The following PTPRD variants were observed in gnomAD, a reference collection of about 807,000 sequenced individuals.
PTPRD encodes protein tyrosine phosphatase receptor type D, also known as receptor-type tyrosine-protein phosphatase delta.
A neutral mutation model predicts 214.5 loss-of-function variants in PTPRD; 34 were observed. The observed-to-expected ratio is 0.16, with a 90% CI of 0.12 to 0.21. The LOEUF (loss-of-function observed/expected upper bound fraction) is 0.21, where lower values mean the gene tolerates loss of function less well. PTPRD is among the 10% of genes least tolerant of loss of function. PTPRD has a pLI of 1.00. For missense variants in PTPRD, 2,545 were observed against 2,398.7 expected (o/e 1.06, Z -1.27); for synonymous variants, 1,128 against 845.7 (o/e 1.33, Z -5.79).
intron 8 of PTPRD, among the ~76,000 whole-genome samples, chr9:9,417,623 A>G (rs2077381536): frequency 6.6e-6 from 1 of 150,758 alleles, no homozygotes; most frequent in African/African-American, 2.5e-5. Context: ...TTAAAAAATT[A>G]TAGTCACAAC....
chr9:9,895,418 A>T (rs1322203631), intron 5 of PTPRD, among the ~76,000 whole-genome samples: 1 of 152,090 alleles, frequency 6.6e-6, no homozygotes, highest in Non-Finnish European at 1.5e-5. Flanking sequence ...ATAGTTCAAT[A>T]GAATGTTTGA....
intron 8 of PTPRD, among the ~76,000 whole-genome samples, chr9:9,534,606 G>C (rs1020106562): frequency 1.3e-5 from 2 of 151,936 alleles, no homozygotes; most frequent in African/African-American, 4.8e-5. Flanking sequence ...AAGACACCAC[G>C]TTTTATTTAC....
At chr9:9,611,998 G>T (rs932201738) in intron 7 of PTPRD, among the ~76,000 whole-genome samples, 1 of 151,652 alleles carries the variant, frequency 6.6e-6, no homozygotes, top group Non-Finnish European at 1.5e-5. Context: ...TGTAAAATTA[G>T]AAAAAATAAT....
chr9:10,112,327 G>A (rs760335752), intron 3 of PTPRD, among the ~76,000 whole-genome samples: 1 of 152,118 alleles, frequency 6.6e-6, no homozygotes, highest in Admixed American at 6.5e-5. Context: ...GTTAATAGGA[G>A]GCTCATTAGT....
rs1278850326 is a variant in PTPRD at position 8,501,013 on chromosome 9, G to A, written c.1869C>T (p.Ser623=). Residue 623 remains serine, a synonymous_variant, in exon 24 of 46, where the codon TCC becomes TCT. Transcript: ENST00000381196. The part of the protein sequence containing the change: ...PQDISCTSPS[S]TSILVSWQPP... Reference sequence around the variant, plus strand: ...GTTGCCAACTTACCAAAATACTAGTGGAACTTGGGCTGGTGCAACTAATGT... The same window carrying A: ...GTTGCCAACTTACCAAAATACTAGTAGAACTTGGGCTGGTGCAACTAATGT... 3.1e-6 allele frequency: 5 copies of A among 1,614,052 alleles called. No individual in the cohort carries two copies. Among genetic ancestry groups the A allele is most frequent in the Admixed American group, 1.7e-5 (1 of 60,018 alleles).
At chr9:8,823,212 C>A (rs138220470) in intron 11 of PTPRD, among the ~76,000 whole-genome samples, 3 of 152,098 alleles carry the variant, frequency 2.0e-5, no homozygotes, top group Non-Finnish European at 4.4e-5. Flanking sequence ...AGTTTCACCC[C>A]CTTTGCCTGA....
At chr9:9,583,835 C>A (rs984428982) in intron 7 of PTPRD, among the ~76,000 whole-genome samples, 1 of 152,036 alleles carries the variant, frequency 6.6e-6, no homozygotes, top group African/African-American at 2.4e-5. Flanking sequence ...CCTTATCACT[C>A]CCTATTCTGA....
intron 3 of PTPRD, among the ~76,000 whole-genome samples, chr9:10,259,266 A>C (rs1287568040): frequency 2.0e-5 from 3 of 151,894 alleles, no homozygotes; most frequent in East Asian, 1.9e-4. Flanking sequence ...CCTCGTGATC[A>C]GCCCGCCTCG....
At chr9:9,592,035 C>T (rs573831827) in intron 7 of PTPRD, among the ~76,000 whole-genome samples, 2 of 152,108 alleles carry the variant, frequency 1.3e-5, no homozygotes, top group South Asian at 2.1e-4. Context: ...TTTTTTATGT[C>T]TGATAACTTT....
intron 7 of PTPRD, among the ~76,000 whole-genome samples, chr9:9,721,146 A>C (rs1382625229): frequency 1.4e-5 from 2 of 146,820 alleles, no homozygotes; most frequent in South Asian, 2.2e-4. Flanking sequence ...GTAAAAATTA[A>C]ATAAAATACT....
chr9:8,390,539 G>C (rs1175021304), intron 36 of PTPRD, among the ~76,000 whole-genome samples: 4 of 93,280 alleles, frequency 4.3e-5, no homozygotes, highest in Middle Eastern at 6.3e-3. Context: ...ATATTTACTT[G>C]TCTGTTAAGT....
At chr9:9,625,743 C>T (rs562908070) in intron 7 of PTPRD, among the ~76,000 whole-genome samples, 8 of 152,210 alleles carry the variant, frequency 5.3e-5, no homozygotes, top group Non-Finnish European at 1.0e-4. Context: ...GAAGTTTCTT[C>T]ACATGCAACA....
chr9:9,357,685 G>A (rs552566758), intron 9 of PTPRD, among the ~76,000 whole-genome samples: 3 of 149,852 alleles, frequency 2.0e-5, no homozygotes, highest in African/African-American at 7.4e-5. Context: ...TATTAAATCA[G>A]AGGATGTGCT....
intron 2 of PTPRD, among the ~76,000 whole-genome samples, chr9:10,484,331 T>C (rs765757748): frequency 1.1e-4 from 17 of 152,002 alleles, no homozygotes; most frequent in Admixed American, 2.0e-4. Flanking sequence ...CCCCTACCTA[T>C]TGTGTTACAA....
chr9:9,911,411 G>A (rs575986306), intron 5 of PTPRD, among the ~76,000 whole-genome samples: 31 of 148,246 alleles, frequency 2.1e-4, no homozygotes, highest in South Asian at 8.7e-4. Context: ...ACACCATAAA[G>A]AAGGCATTTA....
intron 3 of PTPRD, among the ~76,000 whole-genome samples, chr9:10,277,937 T>A (rs1409498076): frequency 6.6e-6 from 1 of 151,872 alleles, no homozygotes; most frequent in Non-Finnish European, 1.5e-5. Flanking sequence ...GGCGGGCGGA[T>A]CATGAGGTCG....
chr9:9,404,844 T>C (rs186007916), intron 8 of PTPRD, among the ~76,000 whole-genome samples: 1 of 152,176 alleles, frequency 6.6e-6, no homozygotes, highest in Admixed American at 6.5e-5. Context: ...ACTGAAGACA[T>C]GTTGCAACAA....
intron 9 of PTPRD, among the ~76,000 whole-genome samples, chr9:9,245,157 G>A (rs2099972429): frequency 6.6e-6 from 1 of 152,098 alleles, no homozygotes; most frequent in South Asian, 2.1e-4. Flanking sequence ...GAGAGGATGT[G>A]GAGAAATAGG....
intron 11 of PTPRD, among the ~76,000 whole-genome samples, chr9:8,851,750 T>G (rs1384094169): frequency 2.0e-5 from 3 of 152,178 alleles, no homozygotes; most frequent in African/African-American, 7.2e-5. Flanking sequence ...ATTCATTCCC[T>G]CCATTTTACA....
Sources: gnomAD v4.1 joint callset for allele counts (sites outside exome capture counted in the v4.1 genomes callset) on GRCh38, gnomAD v4.1.1 for gene constraint, MANE v1.5 for transcripts, NCBI Gene and HGNC (gene_info 2026-07-23, HGNC 2026-07-21) for gene names.